TOMM40: variants seen among roughly 807,000 people sequenced by gnomAD.
The protein encoded by TOMM40 is translocase of outer mitochondrial membrane 40.
Under a neutral mutation model 38.4 loss-of-function variants are expected in TOMM40, and 9 were observed. That is an observed-to-expected ratio of 0.23 (90% CI 0.14 to 0.41). The LOEUF (loss-of-function observed/expected upper bound fraction) is 0.41, where lower values mean the gene tolerates loss of function less well. Ranked by LOEUF, TOMM40 falls within the 10% of genes least tolerant of loss-of-function variation. TOMM40 has a pLI of 1.00. For synonymous variants in TOMM40, 184 were observed against 210.0 expected (o/e 0.88, Z 1.07); for missense variants, 299 against 486.5 (o/e 0.61, Z 3.63).
At position 44,892,921 on chromosome 19, in the gene TOMM40, C is replaced by T; in HGVS notation, c.427C>T (p.Pro143Ser). 1 of 1,612,482 alleles carries T rather than the reference C, an allele frequency of 6.2e-7. No individual in the cohort carries two copies. Residue 143 changes from proline to serine, a missense_variant, in exon 3 of 9, where the codon CCC becomes TCC. Coordinates refer to ENST00000426677, the MANE Select transcript of TOMM40 (RefSeq NM_001128917.2). ...VTYVGTKQLS[P>S]TEAFPVLVGD... Reference sequence around the variant, plus strand: ...ATATGTGGGGACAAAGCAGCTGAGTCCCACAGAGGTGAGCTTCCTTTTTCA... The same window carrying T: ...ATATGTGGGGACAAAGCAGCTGAGTTCCACAGAGGTGAGCTTCCTTTTTCA...
At position 44,900,803 on chromosome 19, in the gene TOMM40, G is replaced by T. The variant is rs1969664695; in HGVS notation, c.717G>T (p.Arg239=). The T allele has an allele frequency of 6.2e-7, 1 of 1,614,004 alleles. No individual in the cohort carries two copies. Among genetic ancestry groups the T allele is most frequent in the African/African-American group, 1.3e-5 (1 of 75,064 alleles). ...TGGGTGGAGAGCTGGTCTACCACCGGCGGCCTGGAGAGGAGGGCACTGTCA... is the reference window on the plus strand; with the variant it reads ...TGGGTGGAGAGCTGGTCTACCACCGTCGGCCTGGAGAGGAGGGCACTGTCA... ...LALGGELVYH[R]RPGEEGTVMS... Residue 239 remains arginine, a synonymous_variant, in exon 6 of 9, where the codon CGG becomes CGT. Coordinates refer to ENST00000426677, the MANE Select transcript of TOMM40 (RefSeq NM_001128917.2).
intron 5 of TOMM40, 29 bp from the exon 6 acceptor site, chr19:44,900,701 G>A (rs1969662213): frequency 6.2e-7 from 1 of 1,611,870 alleles, no homozygotes; most frequent in Non-Finnish European, 8.5e-7. Flanking sequence ...CTCAGGGTGG[G>A]TGGAAACTGA....
intron 6 of TOMM40, 75 bp downstream of exon 6, chr19:44,900,927 C>A: frequency 6.2e-7 from 1 of 1,609,250 alleles, no homozygotes; most frequent in Non-Finnish European, 8.5e-7. Flanking sequence ...GGAGGACGGG[C>A]TAGGGCCCTG....
In TOMM40 at chr19:44,895,205, A is replaced by AAGTG. The variant is rs200684460; in HGVS notation, c.643+1139_643+1140insAGTG. On this transcript the variant is annotated intron_variant, in intron 5 of 8. Transcript: ENST00000426677. ...TGGACCCCTGGGAGTGCCTAGGGAG[A>AAGTG]GTCACCACTTCTCGCTGCAGGAGCC... Among the ~76,000 whole-genome samples, 700 of 152,060 alleles carry AAGTG rather than the reference A, an allele frequency of 4.6e-3. 1 individual carries two copies. Among genetic ancestry groups the AAGTG allele is most frequent in the African/African-American group, 0.016 (654 of 41,472 alleles).
rs1441324628 is a variant in TOMM40, at chr19:44,901,124, A to AT, written c.843+20_843+21insT. The AT allele has an allele frequency of 1.9e-6, 3 of 1,614,068 alleles. No individual in the cohort carries two copies. Among genetic ancestry groups the AT allele is most frequent in the African/African-American group, 2.7e-5 (2 of 74,950 alleles). ...GACCAGGTGAGTGGGTGCAGGGACT[A>AT]GCTGGTGCTGCCAGGGGCTGCTGGG... On this transcript the variant is annotated intron_variant, in intron 7 of 8. Transcript: ENST00000426677.
rs762506489 is a variant in TOMM40, at chr19:44,901,021, C to CT, written c.767-6dup. On this transcript the variant is annotated splice_polypyrimidine_tract_variant and splice_region_variant and intron_variant, in intron 6 of 8. Transcript: ENST00000426677. Reference sequence around the variant, plus strand: ...TGAGACCCCGCCTCCACCCCACTCTCTGACAGTGAACAACTGGTTGGCAAC... The same window carrying CT: ...TGAGACCCCGCCTCCACCCCACTCTCTTGACAGTGAACAACTGGTTGGCAAC... 7 of 1,614,018 alleles carry CT rather than the reference C, an allele frequency of 4.3e-6. No individual in the cohort carries two copies. The highest frequency in any genetic ancestry group is 5.1e-6 in the Non-Finnish European group (6 of 1,180,048).
intron 5 of TOMM40, among the ~76,000 whole-genome samples, chr19:44,895,450 G>A (rs1191608460): frequency 6.6e-6 from 1 of 152,044 alleles, no homozygotes; most frequent in Admixed American, 6.6e-5. Flanking sequence ...GGCCCCATGA[G>A]GAAGAAACAT....
At chr19:44,895,867 C>T (rs994473449) in intron 5 of TOMM40, among the ~76,000 whole-genome samples, 8 of 152,062 alleles carry the variant, frequency 5.3e-5, no homozygotes, top group Non-Finnish European at 1.2e-4. Flanking sequence ...GCTTTTCTGA[C>T]GGTTCCTGAA....
Position 44,892,531 on chromosome 19 carries a change from G to T in TOMM40, c.342+71G>T. On this transcript the variant is annotated intron_variant, in intron 2 of 8. Coordinates refer to ENST00000426677, the MANE Select transcript of TOMM40 (RefSeq NM_001128917.2). Reference sequence around the variant, plus strand: ...TCCCCCTCCCTGCATCTGCACACTCGGCCCAATTACTCCTCCCTCAAGAGC... The same window carrying T: ...TCCCCCTCCCTGCATCTGCACACTCTGCCCAATTACTCCTCCCTCAAGAGC... 4 of 1,421,296 alleles carry T rather than the reference G, an allele frequency of 2.8e-6. No homozygotes were observed. The South Asian group carries it at 4.6e-5, about 16-fold the overall frequency. The allele number at this position is 1,421,296 out of a possible 1,614,324, so 88.0% of individuals were successfully genotyped here. A position where few individuals can be genotyped will look rare whatever the true frequency, so the allele number is the denominator to read the frequency against.
At chr19:44,896,594 A>C (rs1377042015) in intron 5 of TOMM40, among the ~76,000 whole-genome samples, 1 of 152,160 alleles carries the variant, frequency 6.6e-6, no homozygotes, top group Non-Finnish European at 1.5e-5. Flanking sequence ...CACAGCCAGG[A>C]AGCAGAGGAG....
At position 44,903,023 on chromosome 19, in the gene TOMM40, C is replaced by A; in HGVS notation, c.947-7C>A. 6.2e-7 allele frequency: 1 copy of A among 1,612,020 alleles called. No homozygotes were observed. The highest frequency in any genetic ancestry group is 1.1e-5 in the South Asian group (1 of 90,878). On this transcript the variant is annotated splice_region_variant and splice_polypyrimidine_tract_variant and intron_variant, in intron 8 of 8. Coordinates refer to ENST00000426677, the MANE Select transcript of TOMM40 (RefSeq NM_001128917.2). ...GGCACGCCTCTCACCTCAGCTCTTC[C>A]CTGCAGGCTCTGTGGATAGCAACTG...
In TOMM40 at chr19:44,891,522, C is replaced by A; in HGVS notation, c.107C>A (p.Thr36Lys). Residue 36 changes from threonine (T) to lysine (K), a missense_variant, in exon 1 of 9, where the codon ACG becomes AAG. Physicochemically the swap from Thr to Lys is moderately conservative, Grantham distance 78. Coordinates refer to ENST00000426677, the MANE Select transcript of TOMM40 (RefSeq NM_001128917.2). The part of the protein sequence containing the change: ...PPPPPSPPGF[T>K]LPPLGGSLGA... ...CCTCCGCCCTCGCCGCCGGGCTTCA[C>A]GCTGCCGCCGCTGGGAGGCAGCCTG... The A allele has an allele frequency of 7.1e-7, 1 of 1,407,588 alleles. No homozygotes were observed. The highest frequency in any genetic ancestry group is 1.5e-5 in the South Asian group (1 of 68,168). 87.2% of individuals were successfully genotyped at this position (1,407,588 alleles called of 1,614,324 possible). A position where few individuals can be genotyped will look rare whatever the true frequency, so the allele number is the denominator to read the frequency against.
intron 5 of TOMM40, among the ~76,000 whole-genome samples, chr19:44,898,567 T>C (rs1226477090): frequency 1.4e-5 from 2 of 145,370 alleles, no homozygotes; most frequent in Non-Finnish European, 3.0e-5. Context: ...AGTCTTGCAC[T>C]GTCTCCCAGG....
chr19:44,901,628 T>C (rs1969685590), intron 8 of TOMM40: 2 of 501,318 alleles, frequency 4.0e-6, no homozygotes, highest in South Asian at 6.6e-5. Flanking sequence ...TAGTCCCAAC[T>C]ACTGAGGCTG....
At chr19:44,892,794 G>GT (rs768849247) in intron 2 of TOMM40, 43 bp from the exon 3 acceptor site, 1 of 1,526,924 alleles carries the variant, frequency 6.5e-7, no homozygotes, top group Non-Finnish European at 9.1e-7. Flanking sequence ...CAGTGGGCAA[G>GT]CCTATCTGTC....
chr19:44,901,626 A>C (rs181585594), intron 8 of TOMM40: 137 of 514,772 alleles, frequency 2.7e-4, no homozygotes, highest in African/African-American at 2.3e-3. Context: ...TATAGTCCCA[A>C]CTACTGAGGC....
chr19:44,892,509 C>T (rs757722717), intron 2 of TOMM40, 49 bp downstream of exon 2: 2 of 1,566,988 alleles, frequency 1.3e-6, no homozygotes, highest in South Asian at 2.2e-5. Context: ...CCCGCCGTCC[C>T]CCTCCCTGCA....
Position 44,891,380 on chromosome 19 carries a change from A to C in TOMM40, c.-36A>C, listed in dbSNP as rs1039851776. Reference sequence around the variant, plus strand: ...CTGAGTCGGGGGCGCGCGGGCCCTGACCTCTGCCCTCTGACCTCTCCCCTA... The same window carrying C: ...CTGAGTCGGGGGCGCGCGGGCCCTGCCCTCTGCCCTCTGACCTCTCCCCTA... On this transcript the variant is annotated 5_prime_UTR_variant, in exon 1 of 9. Coordinates refer to ENST00000426677, the MANE Select transcript of TOMM40 (RefSeq NM_001128917.2). The C allele has an allele frequency of 8.0e-7, 1 of 1,247,040 alleles. No individual in the cohort carries two copies. The highest frequency in any genetic ancestry group is 1.0e-6 in the Non-Finnish European group (1 of 995,488). The allele number at this position is 1,247,040 out of a possible 1,614,324, so 77.2% of individuals were successfully genotyped here. A position where few individuals can be genotyped will look rare whatever the true frequency, so the allele number is the denominator to read the frequency against.
Position 44,891,310 on chromosome 19 carries a change from C to A in TOMM40, c.-106C>A, listed in dbSNP as rs1057464688. On this transcript the variant is annotated 5_prime_UTR_variant, in exon 1 of 9. Coordinates refer to ENST00000426677, the MANE Select transcript of TOMM40 (RefSeq NM_001128917.2). ...AGCCCAGGCCGGGAGCAGGCGCCGCCGCCAGTGAGAACCGGGGCCGGAGCC... is the reference window on the plus strand; with the variant it reads ...AGCCCAGGCCGGGAGCAGGCGCCGCAGCCAGTGAGAACCGGGGCCGGAGCC... 40 of 1,205,040 alleles carry A rather than the reference C, an allele frequency of 3.3e-5. No homozygotes were observed. The African/African-American group carries it at 5.8e-4, about 18-fold the overall frequency. The allele number at this position is 1,205,040 out of a possible 1,614,324, so 74.6% of individuals were successfully genotyped here.
Sources: allele counts gnomAD v4.1 joint callset (sites outside exome capture counted in the v4.1 genomes callset), GRCh38; gene constraint gnomAD v4.1.1; transcripts MANE v1.5; gene names NCBI Gene and HGNC (gene_info 2026-07-23, HGNC 2026-07-21).